Variants in ROBO1 observed in about 807,000 individuals in gnomAD.
ROBO1 encodes roundabout guidance receptor 1.
In ROBO1, 149 loss-of-function variants were observed where a neutral mutation model predicts 195.9. The ratio of observed to expected loss-of-function variants is 0.76; its 90% CI spans 0.67 to 0.87. ROBO1 has a LOEUF of 0.87. Among genes scored for constraint, ROBO1 ranks in the 40% least tolerant of loss-of-function variants. The pLI is 0.00. For synonymous variants in ROBO1, 816 were observed against 733.2 expected, an observed-to-expected ratio of 1.11 and a Z score of -1.82; for missense variants, 1,933 against 2,068.3, an observed-to-expected ratio of 0.93 and a Z score of 1.27.
chr3:78,743,232 G>A (rs1045970458), intron 5 of ROBO1, among the ~76,000 whole-genome samples: 1 of 152,000 alleles, frequency 6.6e-6, no homozygotes, highest in Admixed American at 6.6e-5. Flanking sequence ...ACTGTTCAGT[G>A]AGGTCTGAAC....
At chr3:79,290,410 C>T (rs1437252224) in intron 2 of ROBO1, among the ~76,000 whole-genome samples, 3 of 151,940 alleles carry the variant, frequency 2.0e-5, no homozygotes, top group South Asian at 2.1e-4. Context: ...AAATCTGATC[C>T]CCAATATACT....
chr3:78,973,765 T>C (rs1576495414), intron 3 of ROBO1, among the ~76,000 whole-genome samples: 1 of 151,810 alleles, frequency 6.6e-6, no homozygotes, highest in Non-Finnish European at 1.5e-5. Context: ...TTTATTCAGA[T>C]GAAAAAGGTT....
At chr3:79,127,785 A>G (rs1299787983) in intron 2 of ROBO1, among the ~76,000 whole-genome samples, 2 of 152,190 alleles carry the variant, frequency 1.3e-5, no homozygotes. Context: ...CATGTAACCT[A>G]TCTTAAGTGG....
intron 2 of ROBO1, chr3:79,532,992 A>C (rs1256746978): frequency 3.1e-6 from 1 of 320,550 alleles, no homozygotes; most frequent in African/African-American, 2.2e-5. Context: ...GCTTTAAAAA[A>C]AAGTATCTTG....
chr3:79,432,780 C>T (rs1193968918), intron 2 of ROBO1, among the ~76,000 whole-genome samples: 1 of 151,998 alleles, frequency 6.6e-6, no homozygotes, highest in African/African-American at 2.4e-5. Flanking sequence ...AAATCAATGC[C>T]ACAATATTTC....
chr3:79,741,270 C>T (rs1703637188), intron 1 of ROBO1, among the ~76,000 whole-genome samples: 1 of 152,156 alleles, frequency 6.6e-6, no homozygotes, highest in Non-Finnish European at 1.5e-5. Context: ...ACGATTATAT[C>T]CATTCCCTTA....
chr3:78,845,007 T>C (rs187685275), intron 4 of ROBO1, among the ~76,000 whole-genome samples: 1 of 152,188 alleles, frequency 6.6e-6, no homozygotes, highest in East Asian at 1.9e-4. Context: ...ACTTTAGTCT[T>C]GTAGATTGAA....
chr3:79,650,553 A>G (rs1482210999), intron 1 of ROBO1, among the ~76,000 whole-genome samples: 1 of 151,792 alleles, frequency 6.6e-6, no homozygotes, highest in Non-Finnish European at 1.5e-5. Flanking sequence ...TTTCCAGTAT[A>G]AATTTATGAT....
intron 1 of ROBO1, among the ~76,000 whole-genome samples, chr3:79,733,529 T>A (rs191034721): frequency 6.6e-6 from 1 of 152,150 alleles, no homozygotes; most frequent in South Asian, 2.1e-4. Context: ...ATGTAAGCCA[T>A]CAGTGCTAAA....
intron 3 of ROBO1, among the ~76,000 whole-genome samples, chr3:78,988,096 A>C (rs1477178830): frequency 6.6e-6 from 1 of 152,124 alleles, no homozygotes; most frequent in Non-Finnish European, 1.5e-5. Flanking sequence ...ATGGATAGTG[A>C]AATAATCTTG....
rs530321769 is a variant in ROBO1, at chr3:79,021,393, T to C, written c.173-82466A>G. Among the ~76,000 whole-genome samples the C allele has an allele frequency of 2.6e-5, 4 of 152,308 alleles. No individual in the cohort carries two copies. The South Asian group carries it at 8.3e-4, about 32-fold the overall frequency. Reference sequence around the variant, plus strand: ...AGAGAAAATTCAAATCCTCATATCATTTGAATGTACGTTAAATAAAGATGT... The same window carrying C: ...AGAGAAAATTCAAATCCTCATATCACTTGAATGTACGTTAAATAAAGATGT... On this transcript the variant is annotated intron_variant, in intron 3 of 30. Transcript: ENST00000464233.
intron 3 of ROBO1, among the ~76,000 whole-genome samples, chr3:79,017,194 A>G (rs1253930843): frequency 6.6e-6 from 1 of 152,198 alleles, no homozygotes; most frequent in African/African-American, 2.4e-5. Flanking sequence ...CACAATTCAC[A>G]GGCTAAAATT....
At chr3:78,682,285 G>C (rs2080934688) in intron 10 of ROBO1, among the ~76,000 whole-genome samples, 1 of 150,936 alleles carries the variant, frequency 6.6e-6, no homozygotes, top group South Asian at 2.1e-4. Flanking sequence ...CATAAAACTT[G>C]AAATATATAT....
At chr3:79,245,929 C>T (rs2082617166) in intron 2 of ROBO1, among the ~76,000 whole-genome samples, 1 of 152,104 alleles carries the variant, frequency 6.6e-6, no homozygotes, top group Non-Finnish European at 1.5e-5. Context: ...TTTAAATACA[C>T]TTTTCCCTTT....
chr3:79,317,128 G>C (rs1387559598), intron 2 of ROBO1, among the ~76,000 whole-genome samples: 3 of 152,032 alleles, frequency 2.0e-5, no homozygotes, highest in African/African-American at 7.2e-5. Context: ...GACCAAATAA[G>C]AATTCCCATT....
chr3:79,032,684 G>A (rs920989700), intron 3 of ROBO1, among the ~76,000 whole-genome samples: 6 of 151,886 alleles, frequency 4.0e-5, no homozygotes, highest in African/African-American at 9.7e-5. Context: ...TCATGTACCC[G>A]TGGACTAATT....
chr3:78,727,814 G>C (rs1342513054), intron 5 of ROBO1, among the ~76,000 whole-genome samples: 1 of 152,016 alleles, frequency 6.6e-6, no homozygotes, highest in East Asian at 1.9e-4. Context: ...CATTGATAGA[G>C]AGAAACTTAT....
Position 78,952,323 on chromosome 3 carries a change from G to A in ROBO1, c.173-13396C>T, listed in dbSNP as rs975474655. On this transcript the variant is annotated intron_variant, in intron 3 of 30. Coordinates refer to ENST00000464233, the MANE Select transcript of ROBO1 (RefSeq NM_002941.4). ...ATAGACAATTAATAGAGAATTTGGC[G>A]ACATCTGTCCAAGGTGGGGACAGGG... Among the ~76,000 whole-genome samples, 10 of 150,304 alleles carry A rather than the reference G, an allele frequency of 6.7e-5. No homozygotes were observed. In the East Asian group the frequency reaches 1.7e-3, roughly 26 times the overall value.
At chr3:79,689,636 A>T (rs1280443588) in intron 1 of ROBO1, among the ~76,000 whole-genome samples, 1 of 152,016 alleles carries the variant, frequency 6.6e-6, no homozygotes, top group Admixed American at 6.6e-5. Context: ...AACAGCTGAG[A>T]CTAAAATTAG....
Sources: allele counts gnomAD v4.1 joint callset (sites outside exome capture counted in the v4.1 genomes callset), GRCh38; gene constraint gnomAD v4.1.1; transcripts MANE v1.5; gene names NCBI Gene and HGNC (gene_info 2026-07-23, HGNC 2026-07-21).